LRFN1: variants seen among roughly 807,000 people sequenced by gnomAD.
LRFN1 encodes the protein leucine-rich repeat and fibronectin type III domain-containing protein 1.
LRFN1 carries 20 observed loss-of-function variants against 31.8 expected under a neutral mutation model. The observed-to-expected ratio is 0.63, with a 90% confidence interval of 0.44 to 0.91. The LOEUF (loss-of-function observed/expected upper bound fraction) is 0.91, where lower values mean the gene tolerates loss of function less well. Ranked by LOEUF, LRFN1 falls within the 40% of genes least tolerant of loss-of-function variation. The pLI is 0.00. For synonymous variants in LRFN1, 514 were observed against 541.3 expected (o/e 0.95, Z 0.70); for missense variants, 912 against 1,129.8 (o/e 0.81, Z 2.76).
rs2075137014 is a variant in LRFN1, at chr19:39,308,208, G to C, written c.1741C>G (p.His581Asp). 6.2e-7 allele frequency: 1 copy of C among 1,608,270 alleles called. No homozygotes were observed. The highest frequency in any genetic ancestry group is 1.1e-5 in the South Asian group (1 of 90,746). ...KGSRSLPRVS[H>D]VCSQTNGAGT... ...GCGCCGTTGGTCTGCGAGCACACGT[G>C]GCTGACCCGCGGGAGCGACCTGGAG... The change falls in exon 5 of 5, where the codon CAC (histidine) becomes GAC (aspartate). Residue 581 changes from histidine (H) to aspartate (D), a missense_variant. Physicochemically the swap from His to Asp is moderately conservative, Grantham distance 81. Coordinates refer to ENST00000248668, the MANE Select transcript of LRFN1 (RefSeq NM_020862.2). The surrounding 1 kb of genome is among the most constrained non-coding windows in gnomAD (Gnocchi z 6.2).
Position 39,314,920 on chromosome 19 carries a change from G to C in LRFN1, c.417C>G (p.Leu139=), listed in dbSNP as rs779964022. 12 of 1,607,836 alleles carry C rather than the reference G, an allele frequency of 7.5e-6. No homozygotes were observed. The highest frequency in any genetic ancestry group is 9.3e-6 in the Non-Finnish European group (11 of 1,178,054). ...RGDQLRGLGN[L]RHLILGNNQI... Reference sequence around the variant, plus strand: ...GGTTGTTTCCAAGGATCAGGTGGCGGAGGTTGCCCAGGCCGCGGAGCTGGT... The same window carrying C: ...GGTTGTTTCCAAGGATCAGGTGGCGCAGGTTGCCCAGGCCGCGGAGCTGGT... The change falls in exon 4 of 5, where the codon CTC becomes CTG. Residue 139 remains leucine (L), a synonymous_variant. Transcript: ENST00000248668.
chr19:39,313,832 A>G, intron 4 of LRFN1, 99 bp downstream of exon 4: 1 of 1,143,666 alleles, frequency 8.7e-7, no homozygotes, highest in Non-Finnish European at 1.2e-6. Flanking sequence ...AGCCATCTAG[A>G]ACCCTGGCTG....
chr19:39,308,502 G>T lies in LRFN1; in HGVS notation c.1447C>A (p.Leu483Met). 1 of 1,599,968 alleles carries T rather than the reference G, an allele frequency of 6.3e-7. No individual in the cohort carries two copies. Residue 483 changes from leucine (L) to methionine (M), a missense_variant, in exon 5 of 5, where the codon CTG becomes ATG. Transcript: ENST00000248668. The surrounding 1 kb of genome is among the most constrained non-coding windows in gnomAD (Gnocchi z 6.2). ...AAGTCGTAGGCACGGCCCGCCGCCAGGTCATTCACCAGGAAGGTCTGACTG... is the reference window on the plus strand; with the variant it reads ...AAGTCGTAGGCACGGCCCGCCGCCATGTCATTCACCAGGAAGGTCTGACTG... ...STSQTFLVND[L>M]AAGRAYDLCV...
At chr19:39,313,875 G>C in intron 4 of LRFN1, 56 bp downstream of exon 4, 2 of 1,509,192 alleles carry the variant, frequency 1.3e-6, no homozygotes, top group South Asian at 2.5e-5. Flanking sequence ...GCAGGTGGGA[G>C]GGAGGGTCCC....
intron 4 of LRFN1, among the ~76,000 whole-genome samples, chr19:39,309,478 C>CAAAAAAAAAAAAAAAAAAAAA (rs71169583): frequency 6.3e-5 from 2 of 31,998 alleles, no homozygotes; most frequent in African/African-American, 2.9e-4. Context: ...ACAAACAAAC[C>CAAAAAAAAAAAAAAAAAAAAA]AAAAAAAAAA....
intron 1 of LRFN1, among the ~76,000 whole-genome samples, chr19:39,319,793 A>C (rs1431794324): frequency 6.6e-6 from 1 of 151,986 alleles, no homozygotes; most frequent in Non-Finnish European, 1.5e-5. Flanking sequence ...ACCCCCAAAA[A>C]ACCAGGGCAA....
rs761237023 is a variant in LRFN1, at chr19:39,314,941, C to T, written c.396G>A (p.Gln132=). ...SNRLAEVRGD[Q]LRGLGNLRHL... is the part of the protein sequence containing the mutation. The stretch of plus-strand genomic sequence containing the variant: ...GGCGGAGGTTGCCCAGGCCGCGGAG[C>T]TGGTCGCCGCGCACCTCCGCCAGGC... The change falls in exon 4 of 5, where the codon CAG becomes CAA. Residue 132 remains glutamine (Q), a synonymous_variant. Coordinates refer to ENST00000248668, the MANE Select transcript of LRFN1 (RefSeq NM_020862.2). 6.2e-7 allele frequency: 1 copy of T among 1,600,986 alleles called. No individual in the cohort carries two copies. The highest frequency in any genetic ancestry group is 8.5e-7 in the Non-Finnish European group (1 of 1,176,462).
At chr19:39,316,934 G>T (rs1279240408) in intron 2 of LRFN1, among the ~76,000 whole-genome samples, 1 of 152,174 alleles carries the variant, frequency 6.6e-6, no homozygotes, top group Non-Finnish European at 1.5e-5. Flanking sequence ...CCAGGAATCT[G>T]TGTTTGGGGC....
Position 39,308,274 on chromosome 19 carries a change from A to T in LRFN1, c.1675T>A (p.Tyr559Asn). 1.2e-6 allele frequency: 2 copies of T among 1,613,266 alleles called. No individual in the cohort carries two copies. The highest frequency in any genetic ancestry group is 1.7e-6 in the Non-Finnish European group (2 of 1,179,640). Residue 559 changes from tyrosine (Y) to asparagine (N), a missense_variant, in exon 5 of 5, where the codon TAT (tyrosine) becomes AAT (asparagine). By Grantham distance (143) the Tyr-to-Asn change is moderately radical. This residue lies in a region of LRFN1 where 511 missense variants were observed against 557.0 expected (regional missense o/e 0.92). Coordinates refer to ENST00000248668, the MANE Select transcript of LRFN1 (RefSeq NM_020862.2). This position sits in a 1 kb window ranked among gnomAD's most constrained non-coding sequence, Gnocchi z 6.2. ...LVFIVLLMIR[Y>N]KVYGDGDSRR... ...CTGTCCCCGTCGCCATACACCTTAT[A>T]GCGGATCATGAGCAGAACGATGAAG...
rs777689189 is a variant in LRFN1 at position 39,314,762 on chromosome 19, G to A, written c.575C>T (p.Thr192Met). The part of the protein sequence containing the change: ...VGQMVNLNTL[T>M]LDHNLIDHIA... ...GTGGTCGATGAGGTTGTGGTCCAGC[G>A]TGAGGGTGTTTAGGTTCACCATCTG... Residue 192 changes from threonine to methionine, a missense_variant, in exon 4 of 5, where the codon ACG (threonine) becomes ATG (methionine). Physicochemically the swap from Thr to Met is moderately conservative, Grantham distance 81. Coordinates refer to ENST00000248668, the MANE Select transcript of LRFN1 (RefSeq NM_020862.2). 1.1e-5 allele frequency: 17 copies of A among 1,613,024 alleles called. No individual in the cohort carries two copies. The highest frequency in any genetic ancestry group is 3.3e-4 in the Middle Eastern group (2 of 6,084).
At position 39,314,312 on chromosome 19, in the gene LRFN1, C is replaced by G; in HGVS notation, c.1025G>C (p.Gly342Ala). 6.2e-7 allele frequency: 1 copy of G among 1,603,640 alleles called. No homozygotes were observed. The highest frequency in any genetic ancestry group is 8.5e-7 in the Non-Finnish European group (1 of 1,175,636). The change falls in exon 4 of 5, where the codon GGG (glycine) becomes GCG (alanine). Residue 342 changes from glycine (G) to alanine (A), a missense_variant. By Grantham distance (60) the Gly-to-Ala change is moderately conservative. Around this residue, in one of 2 missense-constraint regions of LRFN1, gnomAD observed 401 missense variants for 572.7 expected, o/e 0.70. Coordinates refer to ENST00000248668, the MANE Select transcript of LRFN1 (RefSeq NM_020862.2). ...HWVAPDGRLLGNSSRTRVRGD... is the reference protein window; with the variant it reads ...HWVAPDGRLLANSSRTRVRGD... ...CCGGACCCGGGTCCGGCTGGAGTTC[C>G]CCAGCAGCCGCCCATCAGGTGCCAC...
chr19:39,318,942 G>A (rs1308296999), intron 1 of LRFN1, among the ~76,000 whole-genome samples: 7 of 152,126 alleles, frequency 4.6e-5, no homozygotes, highest in Non-Finnish European at 8.8e-5. Context: ...GACCCCAGGC[G>A]GGACCCCAGT....
intron 4 of LRFN1, among the ~76,000 whole-genome samples, chr19:39,310,405 C>T (rs2075146615): frequency 6.6e-6 from 1 of 152,248 alleles, no homozygotes; most frequent in African/African-American, 2.4e-5. Flanking sequence ...TAGCTTGCAT[C>T]ACACCTCGTG....
chr19:39,313,392 G>A (rs2075157630), intron 4 of LRFN1, among the ~76,000 whole-genome samples: 1 of 152,182 alleles, frequency 6.6e-6, no homozygotes, highest in Non-Finnish European at 1.5e-5. Flanking sequence ...TTAGCTGGGT[G>A]TGTTGGTGGG....
intron 4 of LRFN1, among the ~76,000 whole-genome samples, chr19:39,311,276 G>T (rs1316425334): frequency 6.6e-6 from 1 of 152,204 alleles, no homozygotes; most frequent in South Asian, 2.1e-4. Context: ...TGCAATGGGG[G>T]TTGGAGAACT....
intron 4 of LRFN1, among the ~76,000 whole-genome samples, chr19:39,311,168 A>G (rs2075149258): frequency 6.6e-6 from 1 of 152,174 alleles, no homozygotes; most frequent in Non-Finnish European, 1.5e-5. Context: ...TTGGCTGCAG[A>G]ATTAAAGCAA....
At position 39,307,693 on chromosome 19, in the gene LRFN1, G is replaced by A; in HGVS notation, c.2256C>T (p.Gly752=). The change falls in exon 5 of 5, where the codon GGC becomes GGT. Residue 752 remains glycine (G), a synonymous_variant. Coordinates refer to ENST00000248668, the MANE Select transcript of LRFN1 (RefSeq NM_020862.2). This position sits in a 1 kb window ranked among gnomAD's most constrained non-coding sequence, Gnocchi z 6.7. ...TGAAAGCCAGGCACGCCCTGGCGGA[G>A]CCCAGCCCCAGGTCTCCATCCTCCC... ...AAGEDGDLGL[G]SARACLAFTS... is the part of the protein sequence containing the mutation. The A allele has an allele frequency of 6.6e-7, 1 of 1,509,810 alleles. No individual in the cohort carries two copies. The highest frequency in any genetic ancestry group is 8.8e-7 in the Non-Finnish European group (1 of 1,138,620). 93.5% of individuals were successfully genotyped at this position (1,509,810 alleles called of 1,614,324 possible).
At chr19:39,317,635 C>A (rs1600486162) in intron 2 of LRFN1, among the ~76,000 whole-genome samples, 1 of 152,104 alleles carries the variant, frequency 6.6e-6, no homozygotes, top group East Asian at 1.9e-4. Context: ...CCTCACCTCC[C>A]CACTGTGTGA....
chr19:39,312,473 G>T (rs1272904965), intron 4 of LRFN1, among the ~76,000 whole-genome samples: 1 of 152,154 alleles, frequency 6.6e-6, no homozygotes, highest in South Asian at 2.1e-4. Context: ...AGTGCCTACT[G>T]TGTGACAATT....
Sources: allele counts gnomAD v4.1 joint callset (sites outside exome capture counted in the v4.1 genomes callset), GRCh38; gene constraint gnomAD v4.1.1; regional missense constraint gnomAD v4.1.1; non-coding constraint Gnocchi (gnomAD v3.1); transcripts MANE v1.5; gene names NCBI Gene and HGNC (gene_info 2026-07-23, HGNC 2026-07-21).